Variants in PDE1A observed in about 807,000 individuals in gnomAD.
PDE1A encodes the protein phosphodiesterase 1A, also known as dual specificity calcium/calmodulin-dependent 3',5'-cyclic nucleotide phosphodiesterase 1A.
Under a neutral mutation model 61.7 loss-of-function variants are expected in PDE1A, and 35 were observed. The ratio of observed to expected loss-of-function variants is 0.57; its 90% confidence interval spans 0.43 to 0.75. The LOEUF is 0.75. PDE1A is among the 30% of genes least tolerant of loss of function. The probability of loss-of-function intolerance (pLI) is 0.00; values close to 1 mark genes in which losing one functional copy is unlikely to be tolerated. For synonymous variants in PDE1A, 232 were observed against 213.2 expected, an observed-to-expected ratio of 1.09 and a Z score of -0.77; for missense variants, 597 against 630.6, an observed-to-expected ratio of 0.95 and a Z score of 0.57.
chr2:182,555,837 G>A, the PDE1A span, among the ~76,000 whole-genome samples: 33 of 151,550 alleles, frequency 2.2e-4, 1 homozygote, highest in Admixed American at 1.6e-3. Flanking sequence ...TATGGTGGCA[G>A]GCACCTGCAA....
chr2:182,696,931 C>T, the PDE1A span, among the ~76,000 whole-genome samples: 13 of 152,276 alleles, frequency 8.5e-5, 1 homozygote, highest in South Asian at 2.7e-3. Context: ...AAGTATTTCT[C>T]AGGACAAAAT....
At chr2:182,671,354 T>TC in the PDE1A span, among the ~76,000 whole-genome samples, 1 of 123,138 alleles carries the variant, frequency 8.1e-6, no homozygotes, top group Admixed American at 8.1e-5. Flanking sequence ...TTTTTTTTTT[T>TC]TTTTTTTGTA....
rs1297701358 is a variant in PDE1A at position 182,140,920 on chromosome 2, T to G, written c.*2162A>C. ...TAGGAAAATAAGTACAGCAGTAGCA[T>G]GACAATACTTCTGAAGGAGTAAAAC... is the stretch of plus-strand genomic sequence containing the variant. On this transcript the variant is annotated 3_prime_UTR_variant, in exon 15 of 15. Coordinates refer to the PDE1A transcript ENST00000435564. 2.0e-5 allele frequency: 3 copies of G among 150,354 alleles called. No individual in the cohort carries two copies. In the East Asian group the frequency reaches 5.8e-4, roughly 29 times the overall value. 9.3% of individuals were successfully genotyped at this position (150,354 alleles called of 1,614,324 possible).
chr2:182,656,620 C>A, the PDE1A span, among the ~76,000 whole-genome samples: 2 of 152,180 alleles, frequency 1.3e-5, no homozygotes, highest in Non-Finnish European at 2.9e-5. Context: ...TTTACTTAGT[C>A]TTCAATGAGT....
At chr2:182,564,951 C>A in the PDE1A span, among the ~76,000 whole-genome samples, 1 of 152,108 alleles carries the variant, frequency 6.6e-6, no homozygotes, top group Non-Finnish European at 1.5e-5. Flanking sequence ...GTTATACATT[C>A]GTCTAAATTT....
At chr2:182,609,657 G>A in the PDE1A span, among the ~76,000 whole-genome samples, 3 of 152,194 alleles carry the variant, frequency 2.0e-5, no homozygotes, top group Admixed American at 1.3e-4. Context: ...AACAAACTCT[G>A]GACACACTGC....
In PDE1A at chr2:182,408,927, G is replaced by A. The variant is rs192168793; in HGVS notation, c.53+17651C>T. ...CCTTGCAGAGAGAAAACTGATTATC[G>A]GTATGGTGAAGTGATTTGTTCTACC... On this transcript the variant is annotated intron_variant, in intron 1 of 13. Transcript: ENST00000351439. 5.2e-4 allele frequency among the ~76,000 whole-genome samples: 79 copies of A among 152,252 alleles called. No individual in the cohort carries two copies. In the East Asian group the frequency reaches 0.014, roughly 28 times the overall value.
At chr2:182,364,447 C>G (rs1699695404) in intron 1 of PDE1A, among the ~76,000 whole-genome samples, 1 of 97,382 alleles carries the variant, frequency 1.0e-5, no homozygotes, top group Middle Eastern at 0.013. Context: ...CATTCTCAGA[C>G]TATATTAGAA....
chr2:182,592,484 C>A, the PDE1A span, among the ~76,000 whole-genome samples: 2 of 152,184 alleles, frequency 1.3e-5, no homozygotes, highest in African/African-American at 4.8e-5. Flanking sequence ...GGTTACGTAT[C>A]TTCCCAACAC....
intron 13 of PDE1A, among the ~76,000 whole-genome samples, chr2:182,174,632 T>TGGCTTGTATAATACTTA (rs2125338966): frequency 6.6e-6 from 1 of 152,292 alleles, no homozygotes; most frequent in East Asian, 1.9e-4. Flanking sequence ...TATAATCCTT[T>TGGCTTGTATAATACTTA]AAGTATTTTC....
intron 1 of PDE1A, among the ~76,000 whole-genome samples, chr2:182,313,766 A>G (rs1288017622): frequency 5.6e-5 from 1 of 17,960 alleles, no homozygotes; most frequent in African/African-American, 9.9e-5. Flanking sequence ...ATGAAACATT[A>G]GTAGGTTTTT....
At chr2:182,510,363 C>T (rs1011964510) in intron 2 of PDE1A, among the ~76,000 whole-genome samples, 4 of 152,218 alleles carry the variant, frequency 2.6e-5, no homozygotes, top group African/African-American at 4.8e-5. Context: ...GAGACTTTAA[C>T]GCTATCATCT....
chr2:182,165,473 C>T (rs1691610172), downstream of PDE1A, among the ~76,000 whole-genome samples: 1 of 152,146 alleles, frequency 6.6e-6, no homozygotes, highest in African/African-American at 2.4e-5. Context: ...GATTGGCCTA[C>T]TGTTCCACAA....
At chr2:182,594,614 C>T in the PDE1A span, among the ~76,000 whole-genome samples, 4 of 152,220 alleles carry the variant, frequency 2.6e-5, no homozygotes, top group African/African-American at 9.6e-5. Flanking sequence ...TAAATGAACA[C>T]AAAATGAATT....
chr2:182,709,429 C>G, the PDE1A span, among the ~76,000 whole-genome samples: 1 of 152,088 alleles, frequency 6.6e-6, no homozygotes, highest in East Asian at 1.9e-4. Context: ...TGAATACATG[C>G]CAAGCACTGT....
upstream of PDE1A, among the ~76,000 whole-genome samples, chr2:182,526,148 C>A (rs142267527): frequency 5.8e-3 from 887 of 152,206 alleles, 9 homozygotes; most frequent in African/African-American, 0.021. Context: ...ATTATGTTTT[C>A]ACTGACAAGA....
At chr2:182,446,473 T>A (rs1338179345) in intron 2 of PDE1A, among the ~76,000 whole-genome samples, 1 of 152,132 alleles carries the variant, frequency 6.6e-6, no homozygotes, top group African/African-American at 2.4e-5. Context: ...CCTGTTTTGG[T>A]CAGGAGTGGC....
chr2:182,264,406 C>A, exon 2 of PDE1A: 1 of 1,611,770 alleles, frequency 6.2e-7, no homozygotes. Context: ...CTTCACCAAG[C>A]ATCTTAGTCT....
exon 9 of PDE1A, chr2:182,201,782 G>A (rs770308305): frequency 3.7e-6 from 6 of 1,600,678 alleles, no homozygotes; most frequent in Admixed American, 3.5e-5. Flanking sequence ...ACTAGGTTCC[G>A]AAGATCCCTG....
Sources: allele counts gnomAD v4.1 joint callset (sites outside exome capture counted in the v4.1 genomes callset), GRCh38; gene constraint gnomAD v4.1.1; transcripts MANE v1.5; gene names NCBI Gene and HGNC (gene_info 2026-07-23, HGNC 2026-07-21).